Variants in ARFGEF2 observed in about 807,000 individuals in gnomAD.
ARFGEF2 encodes ARF guanine nucleotide exchange factor 2.
In ARFGEF2, 74 loss-of-function variants were observed where a neutral mutation model predicts 219.9. The observed-to-expected ratio is 0.34, with a 90% CI of 0.28 to 0.41. The LOEUF (loss-of-function observed/expected upper bound fraction) is 0.41. ARFGEF2 is among the 10% of genes least tolerant of loss of function. ARFGEF2 has a pLI of 1.00. For missense variants in ARFGEF2, 1,743 were observed against 2,218.3 expected, an observed-to-expected ratio of 0.79 and a Z score of 4.30; for synonymous variants, 733 against 799.2, an observed-to-expected ratio of 0.92 and a Z score of 1.40.
At chr20:49,001,422 A>G (rs2091424636) in intron 25 of ARFGEF2, among the ~76,000 whole-genome samples, 1 of 152,136 alleles carries the variant, frequency 6.6e-6, no homozygotes, top group Non-Finnish European at 1.5e-5. Flanking sequence ...AGAATCTTGC[A>G]GATTTGAAGA....
chr20:48,931,129 G>A (rs888523029), intron 1 of ARFGEF2, among the ~76,000 whole-genome samples: 3 of 152,212 alleles, frequency 2.0e-5, no homozygotes, highest in Non-Finnish European at 4.4e-5. Context: ...CCAGACTGGC[G>A]TGGGAGGTGA....
chr20:48,973,197 T>C lies in ARFGEF2; in HGVS notation c.1578T>C (p.Ala526=). 1 of 1,614,226 alleles carries C rather than the reference T, an allele frequency of 6.2e-7. No homozygotes were observed. Among genetic ancestry groups the C allele is most frequent in the Non-Finnish European group, 8.5e-7 (1 of 1,180,030 alleles). Reference sequence around the variant, plus strand: ...TCAACTACGACTGTGATTTAAATGCTGCTAACATTTTTGAGCGCCTTGTAA... The same window carrying C: ...TCAACTACGACTGTGATTTAAATGCCGCTAACATTTTTGAGCGCCTTGTAA... ...IYVNYDCDLN[A]ANIFERLVND... is the part of the protein sequence containing the mutation. The change falls in exon 12 of 39, where the codon GCT becomes GCC. Residue 526 remains alanine, a synonymous_variant. Transcript: ENST00000371917.
At chr20:48,974,937 CAGTTGTCTTAGTAT>C (rs1374422143) in intron 13 of ARFGEF2, 63 bp downstream of exon 13, 39 of 1,355,438 alleles carry the variant, frequency 2.9e-5, no homozygotes, top group Non-Finnish European at 4.0e-5. Context: ...CTGCTAGGAA[CAGTTGTCTTAGTAT>C]AGTTGTCTTA....
chr20:48,993,688 T>A (rs2091369743), intron 21 of ARFGEF2, among the ~76,000 whole-genome samples: 1 of 152,176 alleles, frequency 6.6e-6, no homozygotes, highest in Non-Finnish European at 1.5e-5. Context: ...AGTTTCTGTT[T>A]CTACAGCTGA....
At chr20:48,943,615 G>A (rs749013773) in intron 3 of ARFGEF2, among the ~76,000 whole-genome samples, 24 of 152,080 alleles carry the variant, frequency 1.6e-4, no homozygotes, top group Non-Finnish European at 2.9e-4. Context: ...CTGTTGCCCA[G>A]GCTGTAGTGC....
intron 12 of ARFGEF2, 58 bp from the exon 13 acceptor site, chr20:48,974,708 A>G: frequency 1.4e-6 from 2 of 1,394,830 alleles, no homozygotes; most frequent in Non-Finnish European, 2.0e-6. Flanking sequence ...AGCCTCGTAG[A>G]TGTCTGTTCT....
Position 48,973,167 on chromosome 20 carries a change from T to C in ARFGEF2, c.1548T>C (p.Ile516=). The change falls in exon 12 of 39, where the codon ATT becomes ATC. Residue 516 remains isoleucine (I), a synonymous_variant. Coordinates refer to ENST00000371917, the MANE Select transcript of ARFGEF2 (RefSeq NM_006420.3). ...AAGATGCCCAGTGTGTTGTGGATAT[T>C]TATGTCAACTACGACTGTGATTTAA... ...ICADAQCVVD[I]YVNYDCDLNA... is the part of the protein sequence containing the mutation. 6.2e-7 allele frequency: 1 copy of C among 1,614,194 alleles called. No individual in the cohort carries two copies. Among genetic ancestry groups the C allele is most frequent in the South Asian group, 1.1e-5 (1 of 91,088 alleles).
At chr20:48,970,422 A>G (rs1044936360) in intron 9 of ARFGEF2, among the ~76,000 whole-genome samples, 6 of 152,058 alleles carry the variant, frequency 3.9e-5, no homozygotes, top group African/African-American at 1.4e-4. Flanking sequence ...CATCCTGGCC[A>G]ACATGGTGAA....
In ARFGEF2 at chr20:48,963,555, C is replaced by T. The variant is rs143268917; in HGVS notation, c.839-275C>T. On this transcript the variant is annotated intron_variant, in intron 6 of 38. Transcript: ENST00000371917. ...GGGGGTGGTGGGGAGGGCCCTGGGC[C>T]GAGCCACTGGGACTTAGGAAGGAAG... Among the ~76,000 whole-genome samples, 217 of 152,166 alleles carry T rather than the reference C, an allele frequency of 1.4e-3. 1 individual carries two copies. Among genetic ancestry groups the T allele is most frequent in the Middle Eastern group, 6.8e-3 (2 of 294 alleles).
chr20:48,980,509 A>G (rs1568718959), intron 14 of ARFGEF2, among the ~76,000 whole-genome samples: 1 of 152,246 alleles, frequency 6.6e-6, no homozygotes, highest in Non-Finnish European at 1.5e-5. Flanking sequence ...CACTTGGTGC[A>G]GAGCTGAGTT....
chr20:49,019,266 C>T (rs1241565288), intron 34 of ARFGEF2, among the ~76,000 whole-genome samples: 5 of 152,116 alleles, frequency 3.3e-5, no homozygotes, highest in Admixed American at 6.6e-5. Context: ...TGGAATAGTA[C>T]ATTCCATATA....
intron 36 of ARFGEF2, among the ~76,000 whole-genome samples, chr20:49,026,248 T>C (rs1334334937): frequency 1.3e-5 from 2 of 152,078 alleles, no homozygotes; most frequent in African/African-American, 2.4e-5. Context: ...GGAGAATCAC[T>C]TGAGCCTAGG....
At chr20:49,001,236 C>G (rs1467288240) in intron 25 of ARFGEF2, among the ~76,000 whole-genome samples, 1 of 151,948 alleles carries the variant, frequency 6.6e-6, no homozygotes, top group Non-Finnish European at 1.5e-5. Flanking sequence ...GACAGGGTTT[C>G]ACCATGTTGG....
At chr20:48,955,550 GA>G (rs1363634873) in intron 6 of ARFGEF2, among the ~76,000 whole-genome samples, 1 of 152,152 alleles carries the variant, frequency 6.6e-6, no homozygotes, top group African/African-American at 2.4e-5. Context: ...AATGAATGGG[GA>G]AAAAACGTTA....
intron 7 of ARFGEF2, among the ~76,000 whole-genome samples, chr20:48,965,614 G>A (rs923762263): frequency 5.9e-5 from 9 of 152,190 alleles, no homozygotes; most frequent in African/African-American, 2.2e-4. Context: ...CACAGTTCTG[G>A]AGGCACCATT....
chr20:49,023,264 A>C, intron 35 of ARFGEF2, 83 bp downstream of exon 35: 1 of 1,551,806 alleles, frequency 6.4e-7, no homozygotes, highest in Non-Finnish European at 8.8e-7. Context: ...GCCAGCTTGT[A>C]CTGGCTTTCC....
In ARFGEF2 at chr20:49,011,515, G is replaced by A. The variant is rs542097762; in HGVS notation, c.3758-409G>A. On this transcript the variant is annotated intron_variant, in intron 27 of 38. Coordinates refer to ENST00000371917, the MANE Select transcript of ARFGEF2 (RefSeq NM_006420.3). ...AACCAGGACTTGCACTCGGGCAGTC[G>A]AGCCCAGAGTTAGTTTAGTGTCCCC... 5.1e-4 allele frequency among the ~76,000 whole-genome samples: 78 copies of A among 152,262 alleles called. No homozygotes were observed. The South Asian group carries it at 0.011, about 22-fold the overall frequency.
Position 48,953,617 on chromosome 20 carries a change from A to C in ARFGEF2, c.665A>C (p.Gln222Pro), listed in dbSNP as rs1264139946. The change falls in exon 6 of 39, where the codon CAA (glutamine) becomes CCA (proline). Residue 222 changes from glutamine to proline, a missense_variant. Physicochemically the swap from Gln to Pro is moderately conservative, Grantham distance 76 (BLOSUM62 -1). Transcript: ENST00000371917. ...IQSKPQSPVI[Q>P]AAAVSPKFVR... ...TCAAAACCCCAGTCCCCTGTGATCC[A>C]AGCTGCAGCAGTATCCCCAAAGTTC... 1 of 1,614,186 alleles carries C rather than the reference A, an allele frequency of 6.2e-7. No homozygotes were observed. Among genetic ancestry groups the C allele is most frequent in the South Asian group, 1.1e-5 (1 of 91,086 alleles).
intron 25 of ARFGEF2, among the ~76,000 whole-genome samples, 169 bp downstream of exon 25, chr20:48,998,674 T>G (rs571553848): frequency 9.2e-5 from 14 of 152,330 alleles, no homozygotes; most frequent in Admixed American, 4.6e-4. Context: ...ACTTATATAT[T>G]GGTAGCATTC....
Sources: allele counts gnomAD v4.1 joint callset (sites outside exome capture counted in the v4.1 genomes callset), GRCh38; gene constraint gnomAD v4.1.1; transcripts MANE v1.5; gene names NCBI Gene and HGNC (gene_info 2026-07-23, HGNC 2026-07-21).